The following ARHGAP42 variants were observed in gnomAD, a reference collection of about 807,000 sequenced individuals.
ARHGAP42 encodes the protein Rho GTPase activating protein 42.
Under a neutral mutation model 125.0 loss-of-function variants are expected in ARHGAP42, and 63 were observed. That is an observed-to-expected ratio of 0.50 (90% CI 0.41 to 0.62). ARHGAP42 has a LOEUF of 0.62. ARHGAP42 is among the 20% of genes least tolerant of loss of function. The probability of loss-of-function intolerance (pLI) is 0.00; values close to 1 mark genes in which losing one functional copy is unlikely to be tolerated. For synonymous variants in ARHGAP42, 339 were observed against 351.0 expected, an observed-to-expected ratio of 0.97 and a Z score of 0.38; for missense variants, 766 against 1,024.2, an observed-to-expected ratio of 0.75 and a Z score of 3.44.
At chr11:100,885,973 A>C (rs546463433) in intron 4 of ARHGAP42, among the ~76,000 whole-genome samples, 22 of 152,330 alleles carry the variant, frequency 1.4e-4, no homozygotes, top group Non-Finnish European at 2.4e-4. Flanking sequence ...TTGATGAGGT[A>C]GGTTTGCAGC....
intron 14 of ARHGAP42, 84 bp from the exon 15 acceptor site, chr11:100,961,600 A>T (rs1335376604): frequency 8.7e-7 from 1 of 1,154,476 alleles, no homozygotes; most frequent in Non-Finnish European, 1.3e-6. Context: ...CTTTTGACCT[A>T]CTTACGTTTG....
intron 1 of ARHGAP42, among the ~76,000 whole-genome samples, chr11:100,705,722 T>C (rs1041790809): frequency 6.6e-6 from 1 of 152,074 alleles, no homozygotes; most frequent in Admixed American, 6.5e-5. Context: ...ACATGCATTA[T>C]ATTTAATTAT....
intron 8 of ARHGAP42, among the ~76,000 whole-genome samples, chr11:100,937,551 C>G (rs908249414): frequency 6.6e-6 from 1 of 152,146 alleles, no homozygotes; most frequent in Non-Finnish European, 1.5e-5. Context: ...CTCACATTTT[C>G]TACCAATAAA....
At chr11:100,717,923 T>TG (rs58895541) in intron 1 of ARHGAP42, among the ~76,000 whole-genome samples, 60,161 of 140,772 alleles carry the variant, frequency 0.43, 13,900 homozygotes, top group South Asian at 0.53. Context: ...GACTCTGCCT[T>TG]AAAAAAAAAA....
At chr11:100,869,658 A>C (rs1865655943) in intron 4 of ARHGAP42, among the ~76,000 whole-genome samples, 2 of 152,164 alleles carry the variant, frequency 1.3e-5, no homozygotes, top group African/African-American at 4.8e-5. Flanking sequence ...CATAATCAAG[A>C]AGCCATTCTA....
intron 8 of ARHGAP42, 143 bp downstream of exon 8, chr11:100,936,475 G>C (rs1867742040): frequency 8.5e-7 from 1 of 1,177,808 alleles, no homozygotes; most frequent in Non-Finnish European, 1.2e-6. Flanking sequence ...CACAACCAAA[G>C]TGAGGACGTT....
intron 4 of ARHGAP42, among the ~76,000 whole-genome samples, chr11:100,884,470 TAAAC>T (rs1306192714): frequency 6.6e-6 from 1 of 152,278 alleles, no homozygotes; most frequent in African/African-American, 2.4e-5. Context: ...TTTATTTTAA[TAAAC>T]AATACTGTAA....
chr11:100,960,562 T>C (rs1464491761), intron 13 of ARHGAP42, among the ~76,000 whole-genome samples: 1 of 152,162 alleles, frequency 6.6e-6, no homozygotes, highest in Non-Finnish European at 1.5e-5. Context: ...AAGATATAAA[T>C]GCCATAGGAC....
intron 3 of ARHGAP42, among the ~76,000 whole-genome samples, chr11:100,809,429 A>G (rs1346820229): frequency 6.6e-6 from 1 of 152,100 alleles, no homozygotes; most frequent in Non-Finnish European, 1.5e-5. Flanking sequence ...AATCACTCCA[A>G]CTCTTGTCTA....
chr11:100,830,729 T>A (rs1864644749), intron 3 of ARHGAP42, among the ~76,000 whole-genome samples: 1 of 152,012 alleles, frequency 6.6e-6, no homozygotes, highest in Admixed American at 6.5e-5. Context: ...TTTGGTTTAG[T>A]GCCAACTATA....
chr11:100,700,879 G>A (rs1382482003), intron 1 of ARHGAP42, among the ~76,000 whole-genome samples: 1 of 152,190 alleles, frequency 6.6e-6, no homozygotes, highest in Non-Finnish European at 1.5e-5. Flanking sequence ...ATGATATTTA[G>A]AATGGTGAAT....
At chr11:100,824,037 C>G (rs1010120247) in intron 3 of ARHGAP42, among the ~76,000 whole-genome samples, 2 of 152,112 alleles carry the variant, frequency 1.3e-5, no homozygotes, top group African/African-American at 2.4e-5. Flanking sequence ...CATTATTTGG[C>G]CATGAATTTA....
intron 5 of ARHGAP42, among the ~76,000 whole-genome samples, chr11:100,916,267 GA>G (rs1257952279): frequency 1.3e-5 from 2 of 152,160 alleles, no homozygotes; most frequent in Non-Finnish European, 2.9e-5. Flanking sequence ...AAGCATAAAG[GA>G]AATGTAGAAA....
rs373508179 is a variant in ARHGAP42, at chr11:100,903,117, G to GCGCACACA, written c.385-10334_385-10333insGCACACAC. Among the ~76,000 whole-genome samples the GCGCACACA allele has an allele frequency of 1.3e-3, 166 of 132,030 alleles. 1 individual carries two copies. Among genetic ancestry groups the GCGCACACA allele is most frequent in the South Asian group, 5.9e-3 (22 of 3,720 alleles). 86.6% of individuals were successfully genotyped at this position (132,030 alleles called of 152,430 possible). The stretch of plus-strand genomic sequence containing the variant: ...TCCTCAATCTTGCTGTCCAAGATGC[G>GCGCACACA]CACACACACACACACACACACACAC... On this transcript the variant is annotated intron_variant, in intron 4 of 23. Transcript: ENST00000298815.
chr11:100,926,937 T>C (rs952770607), intron 6 of ARHGAP42, among the ~76,000 whole-genome samples: 4 of 152,242 alleles, frequency 2.6e-5, no homozygotes, highest in African/African-American at 7.2e-5. Flanking sequence ...CATGTTACAG[T>C]ATTCCTTTTA....
intron 4 of ARHGAP42, among the ~76,000 whole-genome samples, chr11:100,880,581 A>G (rs1384188490): frequency 6.6e-6 from 1 of 152,116 alleles, no homozygotes; most frequent in Non-Finnish European, 1.5e-5. Flanking sequence ...TCTTTTTCAT[A>G]TAGTGACTTA....
At chr11:100,984,429 T>G (rs1280302884) in intron 22 of ARHGAP42, among the ~76,000 whole-genome samples, 1 of 150,940 alleles carries the variant, frequency 6.6e-6, no homozygotes, top group Non-Finnish European at 1.5e-5. Context: ...TTAGTATCTT[T>G]CTACCTCCGT....
intron 22 of ARHGAP42, among the ~76,000 whole-genome samples, chr11:100,980,082 C>T (rs765556728): frequency 9.9e-5 from 15 of 152,070 alleles, no homozygotes; most frequent in Non-Finnish European, 1.8e-4. Context: ...AGTAAGGGCC[C>T]TCATGTATTA....
At chr11:100,878,884 CATATAT>C (rs1010692468) in intron 4 of ARHGAP42, among the ~76,000 whole-genome samples, 6 of 150,622 alleles carry the variant, frequency 4.0e-5, no homozygotes, top group African/African-American at 1.5e-4. Flanking sequence ...TGGGGAGTTA[CATATAT>C]ATATATGTAT....
Sources: gnomAD v4.1 joint callset for allele counts (sites outside exome capture counted in the v4.1 genomes callset) on GRCh38, gnomAD v4.1.1 for gene constraint, MANE v1.5 for transcripts, NCBI Gene and HGNC (gene_info 2026-07-23, HGNC 2026-07-21) for gene names.